The following MARCHF1 variants were observed in gnomAD, a reference collection of about 807,000 sequenced individuals.
The protein encoded by MARCHF1 is membrane associated ring-CH-type finger 1, also known as E3 ubiquitin-protein ligase MARCHF1.
MARCHF1 carries 40 observed loss-of-function variants against 54.2 expected under a neutral mutation model. The observed-to-expected ratio is 0.74, with a 90% CI of 0.57 to 0.96. The LOEUF (loss-of-function observed/expected upper bound fraction) is 0.96. MARCHF1 is among the 40% of genes least tolerant of loss of function. MARCHF1 has a pLI of 0.00. For synonymous variants in MARCHF1, 236 were observed against 236.3 expected, an observed-to-expected ratio of 1.00 and a Z score of 0.01; for missense variants, 586 against 656.5, an observed-to-expected ratio of 0.89 and a Z score of 1.17.
chr4:163,938,505 TA>T (rs1415008798), intron 3 of MARCHF1, among the ~76,000 whole-genome samples: 1 of 152,122 alleles, frequency 6.6e-6, no homozygotes, highest in African/African-American at 2.4e-5. Flanking sequence ...ACTGTGGAGC[TA>T]ATTACGTAGC....
intron 2 of MARCHF1, among the ~76,000 whole-genome samples, chr4:164,033,190 A>T (rs1172349155): frequency 6.6e-6 from 1 of 151,990 alleles, no homozygotes; most frequent in Non-Finnish European, 1.5e-5. Flanking sequence ...AAAAAAAAAA[A>T]AGAAAAGGTG....
intron 3 of MARCHF1, among the ~76,000 whole-genome samples, chr4:163,987,714 G>T (rs11100533): frequency 0.52 from 78,450 of 152,004 alleles, 21,776 homozygotes; most frequent in Middle Eastern, 0.67. Context: ...CCCTTTTAGG[G>T]GAACACGACA....
At chr4:163,999,140 T>C (rs1437644360) in intron 2 of MARCHF1, among the ~76,000 whole-genome samples, 1 of 151,628 alleles carries the variant, frequency 6.6e-6, no homozygotes, top group Non-Finnish European at 1.5e-5. Context: ...GTAATTATCA[T>C]TCTAAAAGAT....
At chr4:164,178,351 T>C (rs536708466) in intron 1 of MARCHF1, among the ~76,000 whole-genome samples, 1 of 152,254 alleles carries the variant, frequency 6.6e-6, no homozygotes, top group Admixed American at 6.5e-5. Flanking sequence ...AGGTGACTCT[T>C]AAACAGAGGC....
intron 2 of MARCHF1, among the ~76,000 whole-genome samples, chr4:164,019,949 C>G (rs545919512): frequency 6.6e-6 from 1 of 152,068 alleles, no homozygotes; most frequent in Non-Finnish European, 1.5e-5. Flanking sequence ...CATGAGATTA[C>G]GGCAAAAACA....
chr4:163,568,308 C>G (rs1346435707), intron 8 of MARCHF1, among the ~76,000 whole-genome samples: 1 of 151,986 alleles, frequency 6.6e-6, no homozygotes, highest in Non-Finnish European at 1.5e-5. Flanking sequence ...AATGATAATT[C>G]TTTGTTTTTT....
intron 2 of MARCHF1, among the ~76,000 whole-genome samples, chr4:164,015,513 A>G (rs990667926): frequency 2.0e-5 from 3 of 152,160 alleles, no homozygotes; most frequent in African/African-American, 7.2e-5. Flanking sequence ...ACAAACTGAA[A>G]AGACAGCATA....
At chr4:164,342,994 G>A (rs971174885) in intron 1 of MARCHF1, among the ~76,000 whole-genome samples, 1 of 152,140 alleles carries the variant, frequency 6.6e-6, no homozygotes, top group Admixed American at 6.5e-5. Flanking sequence ...TGGGGATAAA[G>A]AGGGAGAGGC....
At chr4:163,586,953 C>T (rs1740432581) in intron 7 of MARCHF1, among the ~76,000 whole-genome samples, 1 of 152,088 alleles carries the variant, frequency 6.6e-6, no homozygotes, top group African/African-American at 2.4e-5. Context: ...ATGGTCTAAA[C>T]TGTCAATAAT....
intron 1 of MARCHF1, among the ~76,000 whole-genome samples, chr4:164,131,026 T>C (rs1756290178): frequency 6.6e-6 from 1 of 152,206 alleles, no homozygotes; most frequent in Admixed American, 6.6e-5. Context: ...GATTTAAACA[T>C]GATTCATAAA....
chr4:164,108,335 T>G (rs1755753147), intron 2 of MARCHF1, among the ~76,000 whole-genome samples: 1 of 152,200 alleles, frequency 6.6e-6, no homozygotes, highest in South Asian at 2.1e-4. Context: ...TAACGATTTT[T>G]TACTAAGTTT....
At chr4:163,533,680 AATAT>A (rs35349951) in intron 9 of MARCHF1, among the ~76,000 whole-genome samples, 1 of 144,134 alleles carries the variant, frequency 6.9e-6, no homozygotes, top group African/African-American at 2.5e-5. Context: ...TTTTATATAT[AATAT>A]ATATATATAT....
intron 1 of MARCHF1, among the ~76,000 whole-genome samples, chr4:164,157,444 C>T (rs939899368): frequency 6.6e-6 from 1 of 152,148 alleles, no homozygotes; most frequent in Non-Finnish European, 1.5e-5. Context: ...CTGTTCCTTA[C>T]ATCTTGTTTA....
At chr4:164,309,132 T>C (rs978493335) in intron 1 of MARCHF1, among the ~76,000 whole-genome samples, 9 of 152,128 alleles carry the variant, frequency 5.9e-5, no homozygotes, top group South Asian at 2.1e-4. Context: ...TATAAAAATA[T>C]AGAATTACTT....
At chr4:164,024,768 A>G (rs1306503627) in intron 2 of MARCHF1, among the ~76,000 whole-genome samples, 1 of 152,078 alleles carries the variant, frequency 6.6e-6, no homozygotes, top group Middle Eastern at 3.4e-3. Context: ...TGGTCTAAAC[A>G]CCCCATTTAA....
intron 5 of MARCHF1, among the ~76,000 whole-genome samples, chr4:163,626,448 G>A (rs1314211993): frequency 5.3e-5 from 8 of 152,124 alleles, no homozygotes; most frequent in South Asian, 2.1e-4. Context: ...AAGAATAATC[G>A]TGCATAATCA....
At chr4:164,323,596 G>GAAAAAAAAAAAAAAAAAAAAAAA (rs1735196588) in intron 1 of MARCHF1, among the ~76,000 whole-genome samples, 1 of 6,150 alleles carries the variant, frequency 1.6e-4, no homozygotes, top group African/African-American at 5.5e-4. Context: ...AGGATGAGTA[G>GAAAAAAAAAAAAAAAAAAAAAAA]CAAAAAAAAA....
At chr4:163,885,400 T>C (rs992926591) in intron 3 of MARCHF1, among the ~76,000 whole-genome samples, 2 of 151,782 alleles carry the variant, frequency 1.3e-5, no homozygotes, top group African/African-American at 4.8e-5. Flanking sequence ...CAACCAAAAA[T>C]AAAAAATAAA....
intron 3 of MARCHF1, among the ~76,000 whole-genome samples, chr4:163,897,148 C>G (rs1750827692): frequency 6.6e-6 from 1 of 152,128 alleles, no homozygotes; most frequent in African/African-American, 2.4e-5. Flanking sequence ...TTGTCATTAC[C>G]ACCAACTGCA....
Sources: allele counts gnomAD v4.1 joint callset (sites outside exome capture counted in the v4.1 genomes callset), GRCh38; gene constraint gnomAD v4.1.1; transcripts MANE v1.5; gene names NCBI Gene and HGNC (gene_info 2026-07-23, HGNC 2026-07-21).